The following MBD6 variants were observed in gnomAD, a reference collection of about 807,000 sequenced individuals.
The protein encoded by MBD6 is methyl-CpG-binding domain protein 6.
In MBD6, 22 loss-of-function variants were observed where a neutral mutation model predicts 66.8. The ratio of observed to expected loss-of-function variants is 0.33; its 90% CI spans 0.24 to 0.47. The LOEUF (loss-of-function observed/expected upper bound fraction) is 0.47. Ranked by LOEUF, MBD6 falls within the 20% of genes least tolerant of loss-of-function variation. MBD6 has a pLI of 1.00. For synonymous variants in MBD6, 540 were observed against 534.6 expected (o/e 1.01, Z -0.14); for missense variants, 1,322 against 1,286.9 (o/e 1.03, Z -0.42).
Position 57,527,605 on chromosome 12 carries a change from C to T in MBD6, c.2181C>T (p.Ser727=), listed in dbSNP as rs1366531657. 6.2e-7 allele frequency: 1 copy of T among 1,613,486 alleles called. No homozygotes were observed. Among genetic ancestry groups the T allele is most frequent in the South Asian group, 1.1e-5 (1 of 91,032 alleles). ...CCTCCTCTCTGGGCAAGGCCCCCTC[C>T]AACTCAGGGAGACCCCCCCAACTCC... ...PGASSLGKAP[S]NSGRPPQLLS... The change falls in exon 8 of 13, where the codon TCC becomes TCT. Residue 727 remains serine, a synonymous_variant. Coordinates refer to ENST00000355673, the MANE Select transcript of MBD6 (RefSeq NM_052897.4).
At chr12:57,525,144 C>G (rs374764029) in intron 5 of MBD6, 29 bp downstream of exon 5, 3 of 1,592,504 alleles carry the variant, frequency 1.9e-6, no homozygotes, top group South Asian at 1.1e-5. Flanking sequence ...TACAGAAGAC[C>G]GAGGAAAACC....
upstream of MBD6, chr12:57,521,153 A>T (rs1400749746): frequency 6.6e-6 from 1 of 152,280 alleles, no homozygotes; most frequent in East Asian, 1.9e-4. Context: ...GATTGTCGAC[A>T]TCTCGAGTCT....
rs747186430 is a variant in MBD6, at chr12:57,525,918, C to G, written c.950C>G (p.Pro317Arg). The change falls in exon 6 of 13, where the codon CCC becomes CGC. Residue 317 changes from proline to arginine, a missense_variant. Coordinates refer to ENST00000355673, the MANE Select transcript of MBD6 (RefSeq NM_052897.4). ...ACGGTGGAGGGGCCTGGGGCACCCCCCTTCCTTGCTAGCAGCCTACTCTCT... is the reference window on the plus strand; with the variant it reads ...ACGGTGGAGGGGCCTGGGGCACCCCGCTTCCTTGCTAGCAGCCTACTCTCT... ...APTVEGPGAP[P>R]FLASSLLSAA... is the part of the protein sequence containing the mutation. The G allele has an allele frequency of 3.7e-6, 6 of 1,613,232 alleles. No homozygotes were observed. The African/African-American group carries it at 6.7e-5, about 18-fold the overall frequency.
chr12:57,521,997 A>G (rs576669904), upstream of MBD6: 39 of 152,302 alleles, frequency 2.6e-4, no homozygotes, highest in African/African-American at 9.4e-4. Flanking sequence ...CTTGGAGGCA[A>G]CTTGACCAAA....
chr12:57,526,458 T>C (rs1594860911), intron 6 of MBD6, 70 bp downstream of exon 6: 1 of 1,521,344 alleles, frequency 6.6e-7, no homozygotes, highest in East Asian at 2.3e-5. Flanking sequence ...TAGGGGAATG[T>C]TCAGAGAGCT....
intron 8 of MBD6, 77 bp from the exon 9 acceptor site, chr12:57,527,771 G>A (rs538143181): frequency 1.9e-6 from 3 of 1,574,274 alleles, no homozygotes; most frequent in Admixed American, 3.8e-5. Context: ...ACTGGATAAA[G>A]CCTAAAGAGA....
chr12:57,526,992 C>T lies in MBD6; in HGVS notation c.1847C>T (p.Ala616Val), dbSNP rs569079865. The T allele has an allele frequency of 1.1e-5, 17 of 1,613,792 alleles. No homozygotes were observed. The highest frequency in any genetic ancestry group is 6.7e-5 in the East Asian group (3 of 44,880). The change falls in exon 7 of 13, where the codon GCA becomes GTA. Residue 616 changes from alanine to valine, a missense_variant. By Grantham distance (64) the Ala-to-Val change is moderately conservative. Coordinates refer to ENST00000355673, the MANE Select transcript of MBD6 (RefSeq NM_052897.4). ...PPSDLLPPPS[A>V]PPSNLLASFL... is the part of the protein sequence containing the mutation. ...TCAGACCTTCTTCCACCTCCTTCAGCACCTCCCAGCAACCTCCTTGCCTCT... is the reference window on the plus strand; with the variant it reads ...TCAGACCTTCTTCCACCTCCTTCAGTACCTCCCAGCAACCTCCTTGCCTCT...
rs749738168 is a variant in MBD6, at chr12:57,527,617, AC to A, written c.2200del (p.Gln734AsnfsTer18). 2 of 1,610,364 alleles carry A rather than the reference AC, an allele frequency of 1.2e-6. No homozygotes were observed. The highest frequency in any genetic ancestry group is 1.7e-5 in the Admixed American group (1 of 59,484). On this transcript the variant is annotated frameshift_variant, in exon 8 of 13. Transcript: ENST00000355673. LOFTEE classifies it high-confidence loss of function. The part of the protein sequence containing the change: ...LGKAPSNSGR[P>X]PQLLSPLLGA... ...GCAAGGCCCCCTCCAACTCAGGGAG[AC>A]CCCCCCAACTCCTTAGCCCTCTGCT...
intron 2 of MBD6, 81 bp from the exon 3 acceptor site, chr12:57,524,199 C>T (rs2140071388): frequency 1.2e-6 from 1 of 846,198 alleles, no homozygotes; most frequent in Non-Finnish European, 1.7e-6. Context: ...TCCCCACAAC[C>T]TTTGCCTTCC....
In MBD6 at chr12:57,527,966, A is replaced by T. The variant is rs777766735; in HGVS notation, c.2355A>T (p.Pro785=). ...TCCTCCCTGGGGGGGGAGCTCCTCC[A>T]CCCCTCTCAGAGGCTTCTAGTCCCC... The part of the protein sequence containing the change: ...LQLLPGGGAP[P]PLSEASSPLA... The change falls in exon 9 of 13, where the codon CCA becomes CCT. Residue 785 remains proline, a synonymous_variant. Transcript: ENST00000355673. 38 of 1,581,946 alleles carry T rather than the reference A, an allele frequency of 2.4e-5. No homozygotes were observed. The South Asian group carries it at 4.4e-4, about 18-fold the overall frequency.
At position 57,527,672 on chromosome 12, in the gene MBD6, G is replaced by GGA; in HGVS notation, c.2236+14_2236+15dup. 2 of 1,577,090 alleles carry GGA rather than the reference G, an allele frequency of 1.3e-6. No homozygotes were observed. Among genetic ancestry groups the GGA allele is most frequent in the Admixed American group, 3.8e-5 (2 of 52,956 alleles). On this transcript the variant is annotated intron_variant, in intron 8 of 12. Transcript: ENST00000355673. ...TGCCAGCCTGCTGGGTGAGTCTGAG[G>GGA]GAGTGTGAATTCACACTCTTGGTGT...
upstream of MBD6, among the ~76,000 whole-genome samples, chr12:57,522,403 GC>G (rs1417659666): frequency 3.3e-5 from 5 of 152,210 alleles, no homozygotes; most frequent in African/African-American, 1.2e-4. Flanking sequence ...GCGGGGCAGG[GC>G]AAGTCGCGAC....
chr12:57,527,383 G>C, intron 7 of MBD6, 124 bp from the exon 8 acceptor site: 1 of 1,282,652 alleles, frequency 7.8e-7, no homozygotes. Flanking sequence ...GCAAGAATTG[G>C]GTCTGTATTT....
At chr12:57,528,907 T>G in intron 11 of MBD6, 39 bp from the exon 12 acceptor site, 1 of 1,614,052 alleles carries the variant, frequency 6.2e-7, no homozygotes, top group East Asian at 2.2e-5. Context: ...CACCTGGTGC[T>G]TGGGAGCTGT....
In MBD6 at chr12:57,526,803, C is replaced by T; in HGVS notation, c.1658C>T (p.Ser553Phe). Reference sequence around the variant, plus strand: ...CTGAGTCTGGGGCAGCCTCCACCTTCTCCATTGCTCAACCACAGTTTATTT... The same window carrying T: ...CTGAGTCTGGGGCAGCCTCCACCTTTTCCATTGCTCAACCACAGTTTATTT... Reference protein sequence around the residue: ...LPLSLGQPPPSPLLNHSLFGV... With the variant: ...LPLSLGQPPPFPLLNHSLFGV... Residue 553 changes from serine (S) to phenylalanine (F), a missense_variant, in exon 7 of 13, where the codon TCT becomes TTT. Coordinates refer to ENST00000355673, the MANE Select transcript of MBD6 (RefSeq NM_052897.4). 6.2e-7 allele frequency: 1 copy of T among 1,610,898 alleles called. No homozygotes were observed. Among genetic ancestry groups the T allele is most frequent in the South Asian group, 1.1e-5 (1 of 90,846 alleles).
chr12:57,530,664 CCT>C (rs770869826), downstream of MBD6: 25 of 1,595,804 alleles, frequency 1.6e-5, no homozygotes, highest in Admixed American at 1.8e-4. Context: ...AGGGATAACC[CCT>C]GTTCTCCAGC....
rs776263118 is a variant in MBD6 at position 57,528,721 on chromosome 12, G to A, written c.2873+3G>A. 1 of 1,614,184 alleles carries A rather than the reference G, an allele frequency of 6.2e-7. No homozygotes were observed. Among genetic ancestry groups the A allele is most frequent in the Non-Finnish European group, 8.5e-7 (1 of 1,180,022 alleles). On this transcript the variant is annotated splice_donor_region_variant and intron_variant, in intron 11 of 12. Coordinates refer to ENST00000355673, the MANE Select transcript of MBD6 (RefSeq NM_052897.4). Reference sequence around the variant, plus strand: ...CGTGGCCGTAGGAGAAAATACAAGTGAGTGTTGGGCCTACTATAGTGCTGG... The same window carrying A: ...CGTGGCCGTAGGAGAAAATACAAGTAAGTGTTGGGCCTACTATAGTGCTGG...
intron 4 of MBD6, 40 bp from the exon 5 acceptor site, chr12:57,524,913 C>G (rs1228331958): frequency 6.2e-7 from 1 of 1,604,624 alleles, no homozygotes; most frequent in African/African-American, 1.3e-5. Context: ...TCACAGGTTC[C>G]AGCCCCTCAG....
upstream of MBD6, chr12:57,522,043 C>T (rs1308363738): frequency 6.6e-6 from 1 of 152,184 alleles, no homozygotes; most frequent in African/African-American, 2.4e-5. Context: ...AAGTATTTTT[C>T]TTGTGCCTTG....
Sources: gnomAD v4.1 joint callset for allele counts (sites outside exome capture counted in the v4.1 genomes callset) on GRCh38, gnomAD v4.1.1 for gene constraint, MANE v1.5 for transcripts, NCBI Gene and HGNC (gene_info 2026-07-23, HGNC 2026-07-21) for gene names.